The following ATR variants were observed in gnomAD, a reference collection of about 807,000 sequenced individuals.
ATR encodes ATR checkpoint kinase.
A neutral mutation model predicts 305.3 loss-of-function variants in ATR; 142 were observed. That is an observed-to-expected ratio of 0.47 (90% CI 0.41 to 0.53). ATR has a LOEUF of 0.53. Among genes scored for constraint, ATR ranks in the 20% least tolerant of loss-of-function variants. The pLI, the probability that ATR is intolerant of heterozygous loss-of-function variation, is 0.00. For missense variants in ATR, 2,135 were observed against 3,133.1 expected, an observed-to-expected ratio of 0.68 and a Z score of 7.60; for synonymous variants, 1,050 against 1,068.1, an observed-to-expected ratio of 0.98 and a Z score of 0.33.
chr3:142,543,435 G>A (rs183669228), intron 16 of ATR, among the ~76,000 whole-genome samples: 12 of 112,876 alleles, frequency 1.1e-4, no homozygotes, highest in East Asian at 5.3e-4. Context: ...CCCTCCGTCC[G>A]TCCTTTCTTC....
chr3:142,537,886 G>T (rs2033915806), intron 19 of ATR, among the ~76,000 whole-genome samples: 1 of 152,136 alleles, frequency 6.6e-6, no homozygotes, highest in African/African-American at 2.4e-5. Context: ...AAAATTATGG[G>T]GGAAGATAGT....
intron 40 of ATR, among the ~76,000 whole-genome samples, chr3:142,466,075 C>T (rs571946779): frequency 2.0e-5 from 3 of 149,954 alleles, no homozygotes; most frequent in South Asian, 2.1e-4. Context: ...TATAGTCATA[C>T]TAAAACAACA....
chr3:142,558,482 AC>A, intron 8 of ATR, 141 bp downstream of exon 8: 3 of 721,322 alleles, frequency 4.2e-6, no homozygotes, highest in Non-Finnish European at 5.5e-6. Flanking sequence ...AGATTGCGCC[AC>A]TGCACTCCAG....
intron 13 of ATR, among the ~76,000 whole-genome samples, chr3:142,552,034 G>A (rs2034488511): frequency 2.0e-5 from 3 of 152,116 alleles, no homozygotes; most frequent in Admixed American, 6.5e-5. Context: ...AGACATACAT[G>A]CAGCCAGCCA....
intron 27 of ATR, among the ~76,000 whole-genome samples, chr3:142,508,841 G>A (rs978210753): frequency 4.0e-5 from 6 of 150,184 alleles, no homozygotes; most frequent in Admixed American, 3.3e-4. Flanking sequence ...GGAGAATGGC[G>A]TGAACCTGGG....
Position 142,553,655 on chromosome 3 carries a change from G to A in ATR, c.2618C>T (p.Thr873Ile). 2 of 1,608,208 alleles carry A rather than the reference G, an allele frequency of 1.2e-6. No homozygotes were observed. Among genetic ancestry groups the A allele is most frequent in the Non-Finnish European group, 1.7e-6 (2 of 1,175,026 alleles). Reference sequence around the variant, plus strand: ...CCAAGTATACCTTCCAATATCCCCTGTTGTAAGAATCAAGGTATCCTTCAG... The same window carrying A: ...CCAAGTATACCTTCCAATATCCCCTATTGTAAGAATCAAGGTATCCTTCAG... ...NELKDTLILT[T>I]GDIGRAAKGD... The change falls in exon 12 of 47, where the codon ACA (threonine) becomes ATA (isoleucine). Residue 873 changes from threonine (T) to isoleucine (I), a missense_variant. Transcript: ENST00000350721.
intron 34 of ATR, among the ~76,000 whole-genome samples, chr3:142,495,892 C>T (rs1032379529): frequency 2.0e-5 from 3 of 152,086 alleles, no homozygotes; most frequent in Non-Finnish European, 4.4e-5. Context: ...ATGCTAGGCC[C>T]TTTCTGGCTA....
chr3:142,495,734 A>G (rs1055648655), intron 34 of ATR, among the ~76,000 whole-genome samples: 3 of 151,894 alleles, frequency 2.0e-5, no homozygotes, highest in Admixed American at 1.3e-4. Flanking sequence ...ACAGAGTGAG[A>G]CTCCGGTTCA....
chr3:142,571,339 G>T (rs2035251219), intron 1 of ATR, among the ~76,000 whole-genome samples: 1 of 152,060 alleles, frequency 6.6e-6, no homozygotes, highest in Non-Finnish European at 1.5e-5. Flanking sequence ...GGTGGCGGGC[G>T]CCTGTAGTCC....
At chr3:142,500,349 T>C (rs887070603) in intron 30 of ATR, among the ~76,000 whole-genome samples, 2 of 152,304 alleles carry the variant, frequency 1.3e-5, no homozygotes, top group East Asian at 3.9e-4. Flanking sequence ...ATAGGCTAAT[T>C]ATTTTGTTCT....
intron 36 of ATR, among the ~76,000 whole-genome samples, chr3:142,474,757 T>G (rs2071392243): frequency 6.6e-6 from 1 of 152,184 alleles, no homozygotes; most frequent in Non-Finnish European, 1.5e-5. Flanking sequence ...GGATTCCTGG[T>G]ACTATATTGA....
At chr3:142,523,843 A>C in intron 22 of ATR, 150 bp downstream of exon 22, 1 of 849,364 alleles carries the variant, frequency 1.2e-6, no homozygotes, top group Middle Eastern at 2.9e-4. Context: ...TTTCTGCAAT[A>C]GTAAAAGAAA....
At position 142,466,381 on chromosome 3, in the gene ATR, A is replaced by G. The variant is rs902919615; in HGVS notation, c.6840T>C (p.His2280=). Residue 2280 remains histidine, a synonymous_variant, in exon 40 of 47, where the codon CAT becomes CAC. Coordinates refer to ENST00000350721, the MANE Select transcript of ATR (RefSeq NM_001184.4). ...LPSILGTHAN[H]ASHEPFPGHW... ...GTCCAGGAAATGGTTCATGGCTAGCATGGTTAGCATGGGTACCCAGAATTG... is the reference window on the plus strand; with the variant it reads ...GTCCAGGAAATGGTTCATGGCTAGCGTGGTTAGCATGGGTACCCAGAATTG... The G allele has an allele frequency of 6.2e-7, 1 of 1,614,044 alleles. No homozygotes were observed. Among genetic ancestry groups the G allele is most frequent in the Non-Finnish European group, 8.5e-7 (1 of 1,179,936 alleles).
chr3:142,521,603 G>A (rs2033150016), intron 23 of ATR, among the ~76,000 whole-genome samples: 1 of 152,142 alleles, frequency 6.6e-6, no homozygotes, highest in Middle Eastern at 3.2e-3. Context: ...ACATTAACAG[G>A]AGTTTGAAAG....
chr3:142,543,505 C>T (rs2034139352), intron 16 of ATR, among the ~76,000 whole-genome samples: 2 of 148,994 alleles, frequency 1.3e-5, no homozygotes, highest in South Asian at 2.2e-4. Context: ...CTTCCTTCCT[C>T]CCTCTTTCTC....
rs1477025998 is a variant in ATR, at chr3:142,549,651, GGTA to G, written c.2996_2998del (p.Leu999del). On this transcript the variant is annotated inframe_deletion, in exon 15 of 47. Coordinates refer to ENST00000350721, the MANE Select transcript of ATR (RefSeq NM_001184.4). ...AGGGCTTGCTTTGGCAGCAAGATCA[GGTA>G]GTAGAACTTGTAATGTCCTCTGAAA... The G allele has an allele frequency of 6.2e-7, 1 of 1,613,504 alleles. No homozygotes were observed. The highest frequency in any genetic ancestry group is 1.3e-5 in the African/African-American group (1 of 74,898).
intron 27 of ATR, among the ~76,000 whole-genome samples, chr3:142,511,610 C>T (rs1041657482): frequency 2.0e-5 from 3 of 151,786 alleles, no homozygotes; most frequent in Admixed American, 2.0e-4. Context: ...GAGCCAAGAT[C>T]CTGTCACTGC....
rs759884814 is a variant in ATR at position 142,562,672 on chromosome 3, T to C, written c.730A>G (p.Ile244Val). ...AAAAAGCTAATTGCTAGGGATTTAA[T>C]TTTTGGACTACCATACTCTAGCAGA... The part of the protein sequence containing the change: ...CVLLEYGSPK[I>V]KSLAISFLTE... The change falls in exon 4 of 47, where the codon ATT (isoleucine) becomes GTT (valine). Residue 244 changes from isoleucine (I) to valine (V), a missense_variant. By Grantham distance (29) the Ile-to-Val change is conservative. This residue lies in a region of ATR where 744 missense variants were observed against 873.2 expected (regional missense o/e 0.85). Coordinates refer to ENST00000350721, the MANE Select transcript of ATR (RefSeq NM_001184.4). 7 of 1,614,094 alleles carry C rather than the reference T, an allele frequency of 4.3e-6. No homozygotes were observed. The highest frequency in any genetic ancestry group is 5.9e-6 in the Non-Finnish European group (7 of 1,179,986).
chr3:142,465,323 A>T, intron 40 of ATR, 83 bp from the exon 41 acceptor site: 2 of 815,728 alleles, frequency 2.5e-6, no homozygotes, highest in South Asian at 2.5e-5. Flanking sequence ...GAGTTATGTA[A>T]AAAAAAAAAA....
Sources: allele counts gnomAD v4.1 joint callset (sites outside exome capture counted in the v4.1 genomes callset), GRCh38; gene constraint gnomAD v4.1.1; regional missense constraint gnomAD v4.1.1; transcripts MANE v1.5; gene names NCBI Gene and HGNC (gene_info 2026-07-23, HGNC 2026-07-21).